Variants in CPVL observed in about 807,000 individuals in gnomAD.
CPVL encodes the protein probable serine carboxypeptidase CPVL.
Under a neutral mutation model 63.7 loss-of-function variants are expected in CPVL, and 51 were observed. The observed-to-expected ratio is 0.80, with a 90% CI of 0.64 to 1.01. CPVL has a LOEUF of 1.01. Ranked by LOEUF, CPVL falls within the 50% of genes least tolerant of loss-of-function variation. CPVL has a pLI of 0.00. For missense variants in CPVL, 530 were observed against 573.1 expected (o/e 0.92, Z 0.77); for synonymous variants, 195 against 206.0 (o/e 0.95, Z 0.46).
intron 1 of CPVL, among the ~76,000 whole-genome samples, chr7:29,134,565 T>C (rs935787444): frequency 6.6e-6 from 1 of 152,116 alleles, no homozygotes; most frequent in Admixed American, 6.5e-5. Flanking sequence ...AGAGAAGATA[T>C]TGCATCCATT....
intron 11 of CPVL, among the ~76,000 whole-genome samples, chr7:29,058,534 T>C (rs981120241): frequency 2.0e-5 from 3 of 152,120 alleles, no homozygotes; most frequent in Non-Finnish European, 2.9e-5. Flanking sequence ...ATATCACTTA[T>C]CTTCTCTTTG....
At chr7:29,157,686 A>G (rs755718409) in intron 5 of CPVL, among the ~76,000 whole-genome samples, 103 of 152,196 alleles carry the variant, frequency 6.8e-4, no homozygotes, top group African/African-American at 3.4e-4. Context: ...ACTCCCCTTC[A>G]CCAGTGAAAA....
At chr7:29,156,924 C>T (rs1159498050) in intron 5 of CPVL, among the ~76,000 whole-genome samples, 1 of 152,122 alleles carries the variant, frequency 6.6e-6, no homozygotes, top group East Asian at 1.9e-4. Context: ...CTAATTTTAA[C>T]ACAAGAAAAG....
At chr7:29,121,107 A>C (rs1384851041) in intron 1 of CPVL, 36 bp from the exon 2 acceptor site, 11 of 1,530,322 alleles carry the variant, frequency 7.2e-6, no homozygotes, top group African/African-American at 2.8e-5. Context: ...ATGAATCATA[A>C]GAGTAAATAT....
chr7:29,167,374 A>G (rs546097599), intron 5 of CPVL, among the ~76,000 whole-genome samples: 1 of 152,316 alleles, frequency 6.6e-6, no homozygotes, highest in East Asian at 1.9e-4. Context: ...CATTAAATGA[A>G]TATTCAAAAA....
chr7:29,117,274 T>C (rs1379417323), intron 2 of CPVL, among the ~76,000 whole-genome samples: 1 of 152,224 alleles, frequency 6.6e-6, no homozygotes, highest in Non-Finnish European at 1.5e-5. Flanking sequence ...CTGCTGCTAA[T>C]ACCCATAACT....
At chr7:29,014,326 T>C (rs1731689927) in intron 12 of CPVL, among the ~76,000 whole-genome samples, 2 of 148,416 alleles carry the variant, frequency 1.3e-5, no homozygotes, top group African/African-American at 5.0e-5. Context: ...CAAAGCTTTT[T>C]GTTTTGTTTT....
chr7:29,108,472 A>G (rs1220993198), intron 3 of CPVL, among the ~76,000 whole-genome samples: 1 of 152,206 alleles, frequency 6.6e-6, no homozygotes, highest in Non-Finnish European at 1.5e-5. Context: ...CCTGGTAGCA[A>G]TTAATCCACC....
At chr7:29,194,742 C>T (rs375783874) in intron 1 of CPVL, 1 of 451,854 alleles carries the variant, frequency 2.2e-6, no homozygotes, top group Middle Eastern at 5.9e-4. Flanking sequence ...ACGGAAACCA[C>T]AAATAAATAG....
chr7:29,072,068 C>T (rs1440780639), intron 8 of CPVL, among the ~76,000 whole-genome samples, 164 bp from the exon 9 acceptor site: 1 of 152,158 alleles, frequency 6.6e-6, no homozygotes, highest in Non-Finnish European at 1.5e-5. Flanking sequence ...ACAACACACA[C>T]AACAGAACAC....
At chr7:29,119,813 C>T (rs1039085924) in intron 2 of CPVL, among the ~76,000 whole-genome samples, 1 of 152,154 alleles carries the variant, frequency 6.6e-6, no homozygotes, top group Non-Finnish European at 1.5e-5. Context: ...GAGTATGAAG[C>T]CTACACACCA....
chr7:29,149,847 T>C (rs1793347209), upstream of CPVL, among the ~76,000 whole-genome samples: 1 of 152,218 alleles, frequency 6.6e-6, no homozygotes. Context: ...TGTCTGTCTC[T>C]GTGTCCCAAT....
At chr7:29,040,845 G>C (rs1440649204) in intron 11 of CPVL, among the ~76,000 whole-genome samples, 1 of 152,116 alleles carries the variant, frequency 6.6e-6, no homozygotes, top group East Asian at 1.9e-4. Context: ...TTATTTTGCT[G>C]CTTTTAGTGG....
At chr7:29,028,843 T>C (rs538307610) in intron 12 of CPVL, among the ~76,000 whole-genome samples, 32 of 151,674 alleles carry the variant, frequency 2.1e-4, no homozygotes, top group Admixed American at 6.6e-4. Flanking sequence ...CAGGCGCCTG[T>C]AGTCCCAGCT....
chr7:29,040,175 C>T (rs1030310419), intron 11 of CPVL, among the ~76,000 whole-genome samples: 1 of 152,178 alleles, frequency 6.6e-6, no homozygotes, highest in African/African-American at 2.4e-5. Flanking sequence ...GGCTGCTTTA[C>T]TTATCATTCT....
intron 11 of CPVL, among the ~76,000 whole-genome samples, chr7:29,051,089 A>C (rs906015349): frequency 6.6e-6 from 1 of 152,234 alleles, no homozygotes; most frequent in Non-Finnish European, 1.5e-5. Flanking sequence ...CTCACCTTAT[A>C]TAAAAATCAA....
At chr7:29,140,759 A>G (rs887525819) in intron 1 of CPVL, among the ~76,000 whole-genome samples, 4 of 152,204 alleles carry the variant, frequency 2.6e-5, no homozygotes, top group South Asian at 2.1e-4. Context: ...TCCCCAGGGA[A>G]GGAAAATAAG....
At chr7:29,134,499 T>C (rs2128661857) in intron 1 of CPVL, among the ~76,000 whole-genome samples, 1 of 152,176 alleles carries the variant, frequency 6.6e-6, no homozygotes, top group East Asian at 1.9e-4. Context: ...TCACAAGAAA[T>C]AGCAATGTAT....
At chr7:29,177,347 G>A (rs373733647) in intron 5 of CPVL, among the ~76,000 whole-genome samples, 57 of 151,910 alleles carry the variant, frequency 3.8e-4, no homozygotes, top group African/African-American at 1.2e-3. Flanking sequence ...TCTGCCTCCC[G>A]GGTTCAAGCA....
Sources: allele counts gnomAD v4.1 joint callset (sites outside exome capture counted in the v4.1 genomes callset), GRCh38; gene constraint gnomAD v4.1.1; transcripts MANE v1.5; gene names NCBI Gene and HGNC (gene_info 2026-07-23, HGNC 2026-07-21).